Variants in MCTP1 observed in about 807,000 individuals in gnomAD.
MCTP1 encodes the protein multiple C2 and transmembrane domain containing 1.
Under a neutral mutation model 120.6 loss-of-function variants are expected in MCTP1, and 69 were observed. That is an observed-to-expected ratio of 0.57 (90% CI 0.47 to 0.70). The LOEUF is 0.70. Ranked by LOEUF, MCTP1 falls within the 30% of genes least tolerant of loss-of-function variation. MCTP1 has a pLI of 0.00. For synonymous variants in MCTP1, 529 were observed against 493.1 expected (o/e 1.07, Z -0.96); for missense variants, 1,203 against 1,248.8 (o/e 0.96, Z 0.55).
intron 5 of MCTP1, among the ~76,000 whole-genome samples, chr5:94,939,780 T>C (rs900140272): frequency 5.3e-5 from 8 of 152,028 alleles, no homozygotes; most frequent in African/African-American, 1.9e-4. Context: ...CACTAATAAA[T>C]GTATTTCCCA....
chr5:95,022,069 T>C (rs1838290876), intron 1 of MCTP1, among the ~76,000 whole-genome samples: 1 of 152,214 alleles, frequency 6.6e-6, no homozygotes, highest in Admixed American at 6.6e-5. Flanking sequence ...CTTGGCACTG[T>C]GAATTTGTTC....
At chr5:95,131,623 C>T (rs1258834290) in intron 1 of MCTP1, among the ~76,000 whole-genome samples, 4 of 151,938 alleles carry the variant, frequency 2.6e-5, no homozygotes, top group South Asian at 4.2e-4. Context: ...CGTAGTTATA[C>T]TTCTAACATA....
In MCTP1 at chr5:94,960,986, G is replaced by A. The variant is rs374598511; in HGVS notation, c.839-7625C>T. Among the ~76,000 whole-genome samples, 18 of 152,096 alleles carry A rather than the reference G, an allele frequency of 1.2e-4. 1 individual carries two copies. In the South Asian group the frequency reaches 3.1e-3, roughly 26 times the overall value. ...ACACATGCACACGTATGTTTACTGC[G>A]GCACTCTTCATGGTAGCAAAGACTT... On this transcript the variant is annotated intron_variant, in intron 2 of 22. Coordinates refer to ENST00000515393, the MANE Select transcript of MCTP1 (RefSeq NM_024717.7).
intron 1 of MCTP1, among the ~76,000 whole-genome samples, chr5:95,222,141 C>T (rs940095352): frequency 6.6e-6 from 1 of 152,168 alleles, no homozygotes; most frequent in Non-Finnish European, 1.5e-5. Flanking sequence ...GTCAGGCACC[C>T]AGGTTCCATC....
At chr5:94,752,108 A>ATATATATATATATATAT (rs1768523763) in intron 19 of MCTP1, among the ~76,000 whole-genome samples, 1 of 75,756 alleles carries the variant, frequency 1.3e-5, no homozygotes, top group Non-Finnish European at 3.1e-5. Context: ...TAAATAATAA[A>ATATATATATATATATAT]ATATATATAT....
At chr5:95,020,390 G>A (rs10463164) in intron 1 of MCTP1, among the ~76,000 whole-genome samples, 87,754 of 151,840 alleles carry the variant, frequency 0.58, 27,320 homozygotes, top group Non-Finnish European at 0.71. Flanking sequence ...TAACTTCTCC[G>A]GACTTATATT....
chr5:94,924,063 T>A, intron 6 of MCTP1, 42 bp from the exon 7 acceptor site: 1 of 1,182,380 alleles, frequency 8.5e-7, no homozygotes, highest in Non-Finnish European at 1.2e-6. Context: ...GAGATGTTTT[T>A]GAGAATAATT....
intron 1 of MCTP1, among the ~76,000 whole-genome samples, chr5:95,106,821 T>A (rs922273500): frequency 2.0e-5 from 3 of 152,206 alleles, no homozygotes; most frequent in African/African-American, 7.2e-5. Context: ...TCCATCTAAC[T>A]GATCCAGAAC....
chr5:94,876,849 G>C (rs949510150), intron 12 of MCTP1, among the ~76,000 whole-genome samples: 2 of 151,984 alleles, frequency 1.3e-5, no homozygotes, highest in Non-Finnish European at 2.9e-5. Flanking sequence ...CAATTTTCTA[G>C]AGAGAAATAG....
At chr5:94,961,364 A>G (rs1269041277) in intron 2 of MCTP1, among the ~76,000 whole-genome samples, 6 of 152,144 alleles carry the variant, frequency 3.9e-5, no homozygotes, top group African/African-American at 9.7e-5. Flanking sequence ...TATGTTACCT[A>G]TGTAACAAAT....
chr5:94,952,528 T>C (rs62364662), intron 3 of MCTP1, among the ~76,000 whole-genome samples: 53 of 152,180 alleles, frequency 3.5e-4, no homozygotes, highest in Non-Finnish European at 7.1e-4. Context: ...TGTGTGCTGT[T>C]GTGGTAAAAG....
chr5:94,948,481 G>T (rs1819682130), intron 3 of MCTP1, among the ~76,000 whole-genome samples: 1 of 152,040 alleles, frequency 6.6e-6, no homozygotes, highest in Non-Finnish European at 1.5e-5. Context: ...GTCCAAAATA[G>T]TGGAAATTCT....
At chr5:94,940,770 TAAG>T (rs1011685979) in intron 4 of MCTP1, among the ~76,000 whole-genome samples, 1 of 151,334 alleles carries the variant, frequency 6.6e-6, no homozygotes, top group African/African-American at 2.4e-5. Flanking sequence ...GATAAAAACA[TAAG>T]AACATTTACA....
intron 18 of MCTP1, among the ~76,000 whole-genome samples, chr5:94,796,633 A>G (rs1427045907): frequency 1.4e-4 from 9 of 66,178 alleles, no homozygotes; most frequent in Non-Finnish European, 3.4e-4. Context: ...AATATATATT[A>G]TATATGTAAT....
chr5:95,026,026 G>A (rs938964558), intron 1 of MCTP1, among the ~76,000 whole-genome samples: 4 of 152,114 alleles, frequency 2.6e-5, no homozygotes, highest in Admixed American at 2.6e-4. Context: ...TCCACCAGAA[G>A]ATATAAAGGT....
chr5:95,205,709 T>C (rs1024041893), intron 1 of MCTP1, among the ~76,000 whole-genome samples: 2 of 152,018 alleles, frequency 1.3e-5, no homozygotes, highest in Non-Finnish European at 1.5e-5. Flanking sequence ...TGAGCCAATT[T>C]AAAAATGGGC....
chr5:94,794,291 T>C (rs1423216937), intron 18 of MCTP1, among the ~76,000 whole-genome samples: 1 of 152,242 alleles, frequency 6.6e-6, no homozygotes, highest in East Asian at 1.9e-4. Flanking sequence ...AAAAAATTAT[T>C]CACGAATATG....
intron 1 of MCTP1, among the ~76,000 whole-genome samples, chr5:95,185,416 G>A (rs1256073241): frequency 6.6e-6 from 1 of 152,172 alleles, no homozygotes; most frequent in Non-Finnish European, 1.5e-5. Context: ...CAACAGGTTA[G>A]AGATGAGAAA....
intron 8 of MCTP1, among the ~76,000 whole-genome samples, chr5:94,917,551 T>G (rs926868095): frequency 1.3e-5 from 2 of 152,204 alleles, no homozygotes; most frequent in African/African-American, 4.8e-5. Context: ...CCCCATGTGA[T>G]TCTCATACAT....
Sources: gnomAD v4.1 joint callset for allele counts (sites outside exome capture counted in the v4.1 genomes callset) on GRCh38, gnomAD v4.1.1 for gene constraint, MANE v1.5 for transcripts, NCBI Gene and HGNC (gene_info 2026-07-23, HGNC 2026-07-21) for gene names.